The following KCND2 variants were observed in gnomAD, a reference collection of about 807,000 sequenced individuals.
KCND2 encodes A-type voltage-gated potassium channel KCND2.
KCND2 carries 16 observed loss-of-function variants against 54.4 expected under a neutral mutation model. The ratio of observed to expected loss-of-function variants is 0.29; its 90% CI spans 0.20 to 0.45. KCND2 has a LOEUF of 0.45. Among genes scored for constraint, KCND2 ranks in the 20% least tolerant of loss-of-function variants. KCND2 has a pLI of 1.00. For synonymous variants in KCND2, 317 were observed against 310.7 expected (o/e 1.02, Z -0.21); for missense variants, 486 against 824.2 (o/e 0.59, Z 5.02).
At chr7:120,418,516 G>T (rs1801559409) in intron 1 of KCND2, among the ~76,000 whole-genome samples, 1 of 152,148 alleles carries the variant, frequency 6.6e-6, no homozygotes, top group African/African-American at 2.4e-5. Context: ...CAGGCGGTTT[G>T]TTAAGATCAC....
chr7:120,344,547 T>C (rs1459533940), intron 1 of KCND2, among the ~76,000 whole-genome samples: 1 of 152,170 alleles, frequency 6.6e-6, no homozygotes, highest in African/African-American at 2.4e-5. Flanking sequence ...GACTGAAGGA[T>C]AAGATAGGAT....
At chr7:120,325,541 T>A (rs1393940878) in intron 1 of KCND2, among the ~76,000 whole-genome samples, 2 of 151,514 alleles carry the variant, frequency 1.3e-5, no homozygotes, top group African/African-American at 4.8e-5. Context: ...AGGCCTTTTC[T>A]GCATCTATTG....
At chr7:120,715,642 C>T (rs1792593905) in intron 1 of KCND2, among the ~76,000 whole-genome samples, 1 of 152,062 alleles carries the variant, frequency 6.6e-6, no homozygotes, top group Non-Finnish European at 1.5e-5. Context: ...ATTATTCAAC[C>T]TAGCCATCCC....
At chr7:120,666,177 C>T (rs1224060405) in intron 1 of KCND2, among the ~76,000 whole-genome samples, 3 of 151,956 alleles carry the variant, frequency 2.0e-5, no homozygotes, top group African/African-American at 7.2e-5. Flanking sequence ...ATCTGGTAAA[C>T]TGTTAGCCAT....
intron 1 of KCND2, among the ~76,000 whole-genome samples, chr7:120,592,409 G>C (rs962639642): frequency 6.6e-6 from 1 of 152,028 alleles, no homozygotes; most frequent in African/African-American, 2.4e-5. Context: ...ATTAGCGGGC[G>C]TGGTGGTGAT....
chr7:120,471,250 G>T (rs1802448469), intron 1 of KCND2, among the ~76,000 whole-genome samples: 1 of 151,934 alleles, frequency 6.6e-6, no homozygotes, highest in South Asian at 2.1e-4. Flanking sequence ...TATTATCTTT[G>T]TCATCATCTT....
chr7:120,662,903 T>TCATCCTA (rs1239395703), intron 1 of KCND2, among the ~76,000 whole-genome samples: 1 of 152,232 alleles, frequency 6.6e-6, no homozygotes, highest in East Asian at 1.9e-4. Flanking sequence ...TTCATCTGAA[T>TCATCCTA]GCTTTCAGGC....
chr7:120,715,850 C>G (rs1792595948), intron 1 of KCND2, among the ~76,000 whole-genome samples: 1 of 152,096 alleles, frequency 6.6e-6, no homozygotes, highest in Non-Finnish European at 1.5e-5. Context: ...GTTCTCTACT[C>G]TTTCCTGAAA....
At chr7:120,719,959 T>A (rs1792647070) in intron 1 of KCND2, among the ~76,000 whole-genome samples, 1 of 152,140 alleles carries the variant, frequency 6.6e-6, no homozygotes, top group Admixed American at 6.6e-5. Flanking sequence ...TTACACTTTG[T>A]GCCCATTTCA....
Position 120,288,984 on chromosome 7 carries a change from C to T in KCND2, c.1115+13237C>T, listed in dbSNP as rs758593924. ...TGCTTGTAAGGCCTCTCTTCCTTAA[C>T]AGAGTATATATGGGGGGAGAGAGGA... On this transcript the variant is annotated intron_variant, in intron 1 of 5. Coordinates refer to ENST00000331113, the MANE Select transcript of KCND2 (RefSeq NM_012281.3). Among the ~76,000 whole-genome samples, 91 of 151,318 alleles carry T rather than the reference C, an allele frequency of 6.0e-4. 1 individual carries two copies. Among genetic ancestry groups the T allele is most frequent in the South Asian group, 2.1e-3 (10 of 4,786 alleles).
chr7:120,292,002 C>T (rs762484460), intron 1 of KCND2, among the ~76,000 whole-genome samples: 2 of 151,754 alleles, frequency 1.3e-5, no homozygotes, highest in Non-Finnish European at 2.9e-5. Context: ...ATTTCTATAC[C>T]TGTTGTTTTT....
chr7:120,637,674 T>C (rs777598546), intron 1 of KCND2, among the ~76,000 whole-genome samples: 1 of 152,168 alleles, frequency 6.6e-6, no homozygotes, highest in Non-Finnish European at 1.5e-5. Context: ...ATTTAATCAC[T>C]GTTTAGGTGA....
chr7:120,525,026 G>C (rs752746643), intron 1 of KCND2, among the ~76,000 whole-genome samples: 2 of 152,062 alleles, frequency 1.3e-5, no homozygotes, highest in Non-Finnish European at 2.9e-5. Context: ...TTCTGAATTA[G>C]TGAGTTATTA....
At chr7:120,444,349 T>C (rs978335180) in intron 1 of KCND2, among the ~76,000 whole-genome samples, 1 of 152,148 alleles carries the variant, frequency 6.6e-6, no homozygotes, top group African/African-American at 2.4e-5. Flanking sequence ...GTACTTAGCT[T>C]TCAGCTGTTT....
intron 1 of KCND2, among the ~76,000 whole-genome samples, chr7:120,645,896 G>T (rs41424845): frequency 0.18 from 27,364 of 152,148 alleles, 2,941 homozygotes; most frequent in African/African-American, 0.29. Context: ...CATGAACTCA[G>T]TGGACACTTA....
chr7:120,690,542 T>C (rs1792255895), intron 1 of KCND2, among the ~76,000 whole-genome samples: 1 of 152,190 alleles, frequency 6.6e-6, no homozygotes, highest in Admixed American at 6.6e-5. Context: ...CCTGTTTGCA[T>C]CACTGACACC....
At chr7:120,388,129 A>G (rs1285743452) in intron 1 of KCND2, among the ~76,000 whole-genome samples, 3 of 152,082 alleles carry the variant, frequency 2.0e-5, no homozygotes, top group African/African-American at 4.8e-5. Flanking sequence ...TAGAGCATCT[A>G]GCATCTATTT....
chr7:120,473,577 C>T (rs1352327121), intron 1 of KCND2, among the ~76,000 whole-genome samples: 1 of 152,188 alleles, frequency 6.6e-6, no homozygotes, highest in Non-Finnish European at 1.5e-5. Context: ...GCAAATTTCA[C>T]TCAAACACCA....
intron 1 of KCND2, among the ~76,000 whole-genome samples, chr7:120,335,670 A>G (rs1427034858): frequency 6.6e-6 from 1 of 151,840 alleles, no homozygotes; most frequent in African/African-American, 2.4e-5. Flanking sequence ...TATTTTTAGT[A>G]GAGATGGGGT....
Sources: allele counts gnomAD v4.1 joint callset (sites outside exome capture counted in the v4.1 genomes callset), GRCh38; gene constraint gnomAD v4.1.1; transcripts MANE v1.5; gene names NCBI Gene and HGNC (gene_info 2026-07-23, HGNC 2026-07-21).